PPP2R5C: variants seen among roughly 807,000 people sequenced by gnomAD.
PPP2R5C encodes serine/threonine-protein phosphatase 2A 56 kDa regulatory subunit gamma isoform.
A neutral mutation model predicts 68.9 loss-of-function variants in PPP2R5C; 7 were observed. The observed-to-expected ratio is 0.10, with a 90% CI of 0.06 to 0.19. The LOEUF is 0.19. Ranked by LOEUF, PPP2R5C falls within the 10% of genes least tolerant of loss-of-function variation. The probability of loss-of-function intolerance (pLI) is 1.00; values close to 1 mark genes in which losing one functional copy is unlikely to be tolerated. For synonymous variants in PPP2R5C, 210 were observed against 222.2 expected (o/e 0.95, Z 0.49); for missense variants, 348 against 641.3 (o/e 0.54, Z 4.94).
chr14:101,763,060 T>A, intron 2 of PPP2R5C, 90 bp downstream of exon 2: 2 of 1,166,238 alleles, frequency 1.7e-6, no homozygotes, highest in East Asian at 5.2e-5. Context: ...TAGAATCTTC[T>A]AAAATGTTTC....
At chr14:101,919,692 G>T (rs1360190727) in intron 13 of PPP2R5C, among the ~76,000 whole-genome samples, 1 of 152,190 alleles carries the variant, frequency 6.6e-6, no homozygotes, top group Non-Finnish European at 1.5e-5. Flanking sequence ...TCTTGGCCGG[G>T]TGTGGTGGCT....
chr14:101,812,125 T>C (rs544053207), intron 1 of PPP2R5C, among the ~76,000 whole-genome samples: 124 of 152,346 alleles, frequency 8.1e-4, no homozygotes, highest in African/African-American at 2.8e-3. Context: ...AGCATGTTAA[T>C]GTGAGATTTA....
intron 9 of PPP2R5C, among the ~76,000 whole-genome samples, chr14:101,903,487 A>G (rs151308090): frequency 6.6e-6 from 1 of 152,264 alleles, no homozygotes; most frequent in Admixed American, 6.5e-5. Context: ...GCCTCTGATG[A>G]GGGAGTTCAG....
chr14:101,799,280 A>C (rs937169710), intron 3 of PPP2R5C, among the ~76,000 whole-genome samples: 8 of 152,172 alleles, frequency 5.3e-5, no homozygotes, highest in African/African-American at 1.9e-4. Flanking sequence ...GACAATGCCC[A>C]CTGCTTCCTG....
In PPP2R5C at chr14:101,841,966, G is replaced by A. The variant is rs987462985; in HGVS notation, c.95-14720G>A. Among the ~76,000 whole-genome samples the A allele has an allele frequency of 3.3e-5, 5 of 152,102 alleles. No individual in the cohort carries two copies. In the South Asian group the frequency reaches 6.2e-4, roughly 19 times the overall value. ...CCTGATTTCTAGTGCCACCTTTTGCGGCTCCTGTGGAGAGTCCAGCTCACG... is the reference window on the plus strand; with the variant it reads ...CCTGATTTCTAGTGCCACCTTTTGCAGCTCCTGTGGAGAGTCCAGCTCACG... On this transcript the variant is annotated intron_variant, in intron 1 of 13. Transcript: ENST00000334743.
At chr14:101,764,033 G>A (rs1037471824) in intron 2 of PPP2R5C, among the ~76,000 whole-genome samples, 2 of 151,696 alleles carry the variant, frequency 1.3e-5, no homozygotes, top group Non-Finnish European at 1.5e-5. Flanking sequence ...GTGTGTGGGC[G>A]CGCGCACTTG....
intron 2 of PPP2R5C, among the ~76,000 whole-genome samples, chr14:101,776,022 G>GGCCCCCCCCCCCCCCCCCCCCCC: frequency 7.0e-6 from 1 of 142,240 alleles, no homozygotes; most frequent in Admixed American, 7.1e-5. Flanking sequence ...TTCAGATTGT[G>GGCCCCCCCCCCCCCCCCCCCCCC]CCCCCCCCCC....
chr14:101,803,553 T>C (rs1003314980), intron 3 of PPP2R5C, among the ~76,000 whole-genome samples: 1 of 151,974 alleles, frequency 6.6e-6, no homozygotes, highest in African/African-American at 2.4e-5. Flanking sequence ...TGAAACCCTG[T>C]CCCTACTAAA....
chr14:101,822,079 GCC>G (rs756270809), intron 1 of PPP2R5C, among the ~76,000 whole-genome samples: 183 of 36,244 alleles, frequency 5.0e-3, no homozygotes, highest in Middle Eastern at 0.015. Flanking sequence ...ACCACCCCCT[GCC>G]CCCCCCCCAC....
chr14:101,898,280 TG>T (rs2045479236), intron 8 of PPP2R5C, among the ~76,000 whole-genome samples: 1 of 152,178 alleles, frequency 6.6e-6, no homozygotes, highest in Non-Finnish European at 1.5e-5. Context: ...CTGTAGTGGC[TG>T]AACAATTCAC....
Position 101,819,165 on chromosome 14 carries a change from C to T in PPP2R5C, c.94+9129C>T, listed in dbSNP as rs2039895796. The T allele has an allele frequency of 7.3e-6, 10 of 1,372,998 alleles. No individual in the cohort carries two copies. The South Asian group carries it at 9.0e-5, about 12-fold the overall frequency. 85.1% of individuals were successfully genotyped at this position (1,372,998 alleles called of 1,614,324 possible). ...ACATGTATAATTAGGAATGGGTTGT[C>T]GGTTTTGGTTTTTTTCCCAGCTTTA... On this transcript the variant is annotated intron_variant, in intron 1 of 13. Transcript: ENST00000334743.
At position 101,796,819 on chromosome 14, in the gene PPP2R5C, G is replaced by A. The variant is rs144334777; in HGVS notation, c.259+10636G>A. ...CAGAGACCACTTCTTGGACATTCCCGTCCTCTGTCTGGTCCAGCGCCCTGC... is the reference window on the plus strand; with the variant it reads ...CAGAGACCACTTCTTGGACATTCCCATCCTCTGTCTGGTCCAGCGCCCTGC... On this transcript the variant is annotated intron_variant, in intron 3 of 14. Transcript: ENST00000328724. The A allele has an allele frequency of 1.8e-3, 429 of 235,518 alleles. 4 individuals carry two copies. Among genetic ancestry groups the A allele is most frequent in the Middle Eastern group, 0.013 (7 of 558 alleles). 14.6% of individuals were successfully genotyped at this position (235,518 alleles called of 1,614,324 possible).
At chr14:101,926,883 G>C (rs1595576536) in exon 14 of PPP2R5C, 1 of 152,148 alleles carries the variant, frequency 6.6e-6, no homozygotes, top group East Asian at 1.9e-4. Context: ...GTAAGAGCAA[G>C]TGCAGGTATG....
chr14:101,784,508 A>AG (rs1353507422), intron 2 of PPP2R5C, among the ~76,000 whole-genome samples: 3 of 141,084 alleles, frequency 2.1e-5, no homozygotes, highest in African/African-American at 7.8e-5. Flanking sequence ...AGAGAGAGAA[A>AG]GTGGGGGGGG....
chr14:101,806,737 A>G (rs1002311350), upstream of PPP2R5C, among the ~76,000 whole-genome samples: 59 of 152,248 alleles, frequency 3.9e-4, no homozygotes, highest in African/African-American at 1.3e-3. Context: ...AGGCTGGAGG[A>G]TCACTTGAGC....
intron 3 of PPP2R5C, among the ~76,000 whole-genome samples, chr14:101,787,109 G>T (rs1227191433): frequency 6.6e-6 from 1 of 152,156 alleles, no homozygotes; most frequent in African/African-American, 2.4e-5. Context: ...AATTTGCTGG[G>T]CATGGTGGCA....
At chr14:101,860,761 C>A (rs921674494) in intron 2 of PPP2R5C, among the ~76,000 whole-genome samples, 1 of 152,182 alleles carries the variant, frequency 6.6e-6, no homozygotes, top group Non-Finnish European at 1.5e-5. Context: ...ATGTGCATTT[C>A]TCGACAACCA....
intron 1 of PPP2R5C, among the ~76,000 whole-genome samples, chr14:101,834,173 A>G (rs2040938821): frequency 6.6e-6 from 1 of 152,168 alleles, no homozygotes; most frequent in African/African-American, 2.4e-5. Context: ...GACAGATTAT[A>G]TCCCATGTGA....
chr14:101,856,388 A>C (rs953690895), intron 1 of PPP2R5C, among the ~76,000 whole-genome samples: 4 of 152,156 alleles, frequency 2.6e-5, no homozygotes, highest in Non-Finnish European at 5.9e-5. Flanking sequence ...TGCTGCTCAG[A>C]GAGTATTTGT....
Sources: allele counts gnomAD v4.1 joint callset (sites outside exome capture counted in the v4.1 genomes callset), GRCh38; gene constraint gnomAD v4.1.1; transcripts MANE v1.5; gene names NCBI Gene and HGNC (gene_info 2026-07-23, HGNC 2026-07-21).